LEMD1: variants seen among roughly 807,000 people sequenced by gnomAD.
LEMD1 encodes the protein LEM domain containing 1, also known as LEM domain-containing protein 1.
Under a neutral mutation model 17.4 loss-of-function variants are expected in LEMD1, and 18 were observed. The observed-to-expected ratio is 1.04, with a 90% confidence interval of 0.72 to 1.54. The LOEUF (loss-of-function observed/expected upper bound fraction) is 1.54. Among genes scored for constraint, LEMD1 ranks in the 40% most tolerant of loss-of-function variants. The pLI is 0.00. For missense variants in LEMD1, 195 were observed against 210.4 expected (o/e 0.93, Z 0.45); for synonymous variants, 88 against 77.8 (o/e 1.13, Z -0.69).
intron 4 of LEMD1, among the ~76,000 whole-genome samples, chr1:205,401,591 A>T (rs1453024317): frequency 7.2e-4 from 109 of 152,092 alleles, no homozygotes; most frequent in Non-Finnish European, 1.3e-3. Flanking sequence ...TAGATTCTGG[A>T]TATTAGCCCT....
intron 4 of LEMD1, among the ~76,000 whole-genome samples, chr1:205,393,085 T>C (rs2102360613): frequency 6.6e-6 from 1 of 151,860 alleles, no homozygotes; most frequent in Admixed American, 6.6e-5. Context: ...ATGTATAGAC[T>C]GGAAAAAAAA....
chr1:205,394,233 C>T (rs532419465), intron 4 of LEMD1, among the ~76,000 whole-genome samples: 188 of 151,764 alleles, frequency 1.2e-3, no homozygotes, highest in African/African-American at 4.4e-3. Flanking sequence ...GAGCGACTGG[C>T]GGGTAACCGC....
upstream of LEMD1, among the ~76,000 whole-genome samples, chr1:205,422,245 A>T (rs182811895): frequency 6.6e-6 from 1 of 152,324 alleles, no homozygotes; most frequent in East Asian, 1.9e-4. Flanking sequence ...ATACAATGTC[A>T]AGAGATGCGG....
chr1:205,406,112 T>C (rs1423638050), intron 4 of LEMD1, among the ~76,000 whole-genome samples: 6 of 152,350 alleles, frequency 3.9e-5, no homozygotes, highest in Admixed American at 1.3e-4. Flanking sequence ...AGTCTGCCCC[T>C]ACTGGGGGGT....
chr1:205,382,766 C>T (rs1663783140), intron 5 of LEMD1, among the ~76,000 whole-genome samples: 1 of 152,192 alleles, frequency 6.6e-6, no homozygotes, highest in Admixed American at 6.5e-5. Context: ...TACTCAGGCC[C>T]CCTCCTTCCT....
upstream of LEMD1, among the ~76,000 whole-genome samples, chr1:205,426,843 T>C (rs1259246343): frequency 6.6e-6 from 1 of 151,892 alleles, no homozygotes; most frequent in Non-Finnish European, 1.5e-5. Context: ...TTCAGGGCTG[T>C]CAGGAAGAGT....
chr1:205,420,002 T>C (rs548220050), intron 2 of LEMD1, among the ~76,000 whole-genome samples: 114 of 152,340 alleles, frequency 7.5e-4, no homozygotes, highest in Non-Finnish European at 1.3e-3. Flanking sequence ...AAAGAGTAAC[T>C]GGTTTTTCAC....
At chr1:205,412,030 A>G (rs1665476976) in intron 4 of LEMD1, among the ~76,000 whole-genome samples, 1 of 152,156 alleles carries the variant, frequency 6.6e-6, no homozygotes, top group Admixed American at 6.5e-5. Context: ...ATTTGCCCCT[A>G]TTTGCCCAAG....
At chr1:205,382,040 T>G in intron 5 of LEMD1, 184 bp from the exon 6 acceptor site, 1 of 607,352 alleles carries the variant, frequency 1.6e-6, no homozygotes, top group East Asian at 2.8e-5. Context: ...CTTGTTCTGT[T>G]GTCCAGGCTG....
At chr1:205,440,263 C>T (rs1010202756) in intron 1 of LEMD1, among the ~76,000 whole-genome samples, 3 of 152,074 alleles carry the variant, frequency 2.0e-5, no homozygotes, top group Non-Finnish European at 4.4e-5. Flanking sequence ...GGGTCAGGGC[C>T]GGGGCTGGAG....
At chr1:205,445,159 G>A (rs1442010054) in intron 1 of LEMD1, among the ~76,000 whole-genome samples, 1 of 152,128 alleles carries the variant, frequency 6.6e-6, no homozygotes, top group Non-Finnish European at 1.5e-5. Flanking sequence ...AACGAAGGGG[G>A]TGAATTGGGT....
intron 1 of LEMD1, among the ~76,000 whole-genome samples, chr1:205,443,372 T>C (rs1201404510): frequency 7.1e-6 from 1 of 140,116 alleles, no homozygotes; most frequent in East Asian, 2.2e-4. Context: ...CCCCCTTAAA[T>C]GACCCGTTCC....
upstream of LEMD1, chr1:205,422,114 T>C (rs1269898506): frequency 6.6e-6 from 1 of 152,238 alleles, no homozygotes; most frequent in Non-Finnish European, 1.5e-5. Flanking sequence ...GTAATCATAA[T>C]ACTGACAGTG....
Position 205,448,087 on chromosome 1 carries a change from G to A in LEMD1, c.-39+1781C>T, listed in dbSNP as rs1666433375. Among the ~76,000 whole-genome samples the A allele has an allele frequency of 6.6e-6, 1 of 152,172 alleles. No individual in the cohort carries two copies. The highest frequency in any genetic ancestry group is 1.5e-5 in the Non-Finnish European group (1 of 68,032). On this transcript the variant is annotated intron_variant, in intron 1 of 3. Transcript: ENST00000367154. The surrounding 1 kb of genome is among the most constrained non-coding windows in gnomAD (Gnocchi z 4.7). ...GAAGGTCTCCTTCCTTCCTCAGAGG[G>A]AATCTCCCTCTGGAATCACCGGCCC...
At chr1:205,396,047 G>A (rs192743283) in intron 4 of LEMD1, among the ~76,000 whole-genome samples, 36 of 151,922 alleles carry the variant, frequency 2.4e-4, no homozygotes, top group East Asian at 1.9e-3. Context: ...TTGCTCTGTC[G>A]CCCAGGCTAG....
At chr1:205,388,065 G>A (rs1664124878) in intron 4 of LEMD1, among the ~76,000 whole-genome samples, 1 of 152,248 alleles carries the variant, frequency 6.6e-6, no homozygotes, top group South Asian at 2.1e-4. Context: ...AGGCAATGGA[G>A]CTAAGAGCCC....
intron 4 of LEMD1, among the ~76,000 whole-genome samples, chr1:205,398,441 C>T (rs1664688493): frequency 6.6e-6 from 1 of 152,192 alleles, no homozygotes; most frequent in African/African-American, 2.4e-5. Context: ...CAAGGTATCT[C>T]ATAAGCAACA....
intron 4 of LEMD1, among the ~76,000 whole-genome samples, chr1:205,405,797 G>T: frequency 7.2e-6 from 1 of 138,176 alleles, no homozygotes; most frequent in African/African-American, 2.8e-5. Context: ...AGAGTTTCCA[G>T]TTTTTCTGCT....
chr1:205,438,460 GGCT>G (rs1397490317), intron 1 of LEMD1, among the ~76,000 whole-genome samples: 1 of 152,234 alleles, frequency 6.6e-6, no homozygotes, highest in Non-Finnish European at 1.5e-5. Flanking sequence ...CGAATGCTGG[GGCT>G]GCTTTGGCCT....
Sources: allele counts gnomAD v4.1 joint callset (sites outside exome capture counted in the v4.1 genomes callset), GRCh38; gene constraint gnomAD v4.1.1; non-coding constraint Gnocchi (gnomAD v3.1); transcripts MANE v1.5; gene names NCBI Gene and HGNC (gene_info 2026-07-23, HGNC 2026-07-21).